TRPC3: variants seen among roughly 807,000 people sequenced by gnomAD.
TRPC3 encodes the protein transient receptor potential cation channel subfamily C member 3.
TRPC3 carries 54 observed loss-of-function variants against 90.9 expected under a neutral mutation model. That is an observed-to-expected ratio of 0.59 (90% CI 0.48 to 0.75). TRPC3 has a LOEUF of 0.75. TRPC3 is among the 30% of genes least tolerant of loss of function. TRPC3 has a pLI of 0.00. For synonymous variants in TRPC3, 424 were observed against 450.9 expected (o/e 0.94, Z 0.75); for missense variants, 918 against 1,194.5 (o/e 0.77, Z 3.41).
Position 121,902,914 on chromosome 4 carries a change from T to C in TRPC3, c.2401A>G (p.Lys801Glu), listed in dbSNP as rs1728751164. 2 of 1,613,572 alleles carry C rather than the reference T, an allele frequency of 1.2e-6. No individual in the cohort carries two copies. Among genetic ancestry groups the C allele is most frequent in the Non-Finnish European group, 1.7e-6 (2 of 1,179,752 alleles). ...TTCTGAAGCCTTCTCCTTCTGCATT[T>C]GGGAAAGTTAACAATTCGCATGATG... ...YFIMRIVNFP[K>E]CRRRRLQKDI... Residue 801 changes from lysine to glutamate, a missense_variant, in exon 9 of 12, where the codon AAA (lysine) becomes GAA (glutamate). By Grantham distance (56) the Lys-to-Glu change is moderately conservative. Transcript: ENST00000379645.
chr4:121,895,033 A>G (rs963087046), intron 10 of TRPC3, among the ~76,000 whole-genome samples: 1 of 152,208 alleles, frequency 6.6e-6, no homozygotes, highest in Non-Finnish European at 1.5e-5. Context: ...ATGCAAATAC[A>G]TGAAAATTAA....
chr4:121,885,288 A>C (rs1480313455), intron 10 of TRPC3, among the ~76,000 whole-genome samples: 1 of 152,194 alleles, frequency 6.6e-6, no homozygotes, highest in Non-Finnish European at 1.5e-5. Context: ...TTGTCTAGTA[A>C]ACCCAAGACA....
At chr4:121,937,111 A>G (rs1019148323) in intron 1 of TRPC3, among the ~76,000 whole-genome samples, 2 of 152,146 alleles carry the variant, frequency 1.3e-5, no homozygotes, top group African/African-American at 4.8e-5. Flanking sequence ...CTGACCTCCA[A>G]CAGGGTTTCT....
At chr4:121,888,801 T>C (rs936455067) in intron 10 of TRPC3, among the ~76,000 whole-genome samples, 1 of 152,220 alleles carries the variant, frequency 6.6e-6, no homozygotes, top group Admixed American at 6.6e-5. Flanking sequence ...CTCATTGTTA[T>C]GAACTGAATG....
chr4:121,924,389 C>A (rs1004673748), intron 3 of TRPC3, among the ~76,000 whole-genome samples: 2 of 152,134 alleles, frequency 1.3e-5, no homozygotes, highest in Non-Finnish European at 2.9e-5. Context: ...GAGATATTAT[C>A]CTCCTTGTAC....
At chr4:121,912,157 A>G in intron 4 of TRPC3, 64 bp from the exon 5 acceptor site, 1 of 1,409,346 alleles carries the variant, frequency 7.1e-7, no homozygotes, top group Non-Finnish European at 9.7e-7. Context: ...TGGAGATTAC[A>G]ACATAGGATT....
intron 1 of TRPC3, 32 bp from the exon 2 acceptor site, chr4:121,933,074 A>G (rs763040641): frequency 1.3e-6 from 2 of 1,528,444 alleles, no homozygotes; most frequent in Non-Finnish European, 1.8e-6. Flanking sequence ...ACAACTGTAG[A>G]ATATTAGGGC....
chr4:121,942,287 C>T (rs1560719294), intron 1 of TRPC3, among the ~76,000 whole-genome samples: 1 of 152,182 alleles, frequency 6.6e-6, no homozygotes, highest in Non-Finnish European at 1.5e-5. Flanking sequence ...CTTGGCCAGG[C>T]ATGGTGGCTC....
At chr4:121,924,635 G>A (rs1023494133) in intron 3 of TRPC3, among the ~76,000 whole-genome samples, 8 of 152,114 alleles carry the variant, frequency 5.3e-5, no homozygotes, top group Non-Finnish European at 1.2e-4. Context: ...AAATCTCCTG[G>A]GCTCAAGTGA....
At chr4:121,926,864 G>A (rs565657903) in intron 2 of TRPC3, among the ~76,000 whole-genome samples, 6 of 152,330 alleles carry the variant, frequency 3.9e-5, no homozygotes, top group Non-Finnish European at 7.3e-5. Context: ...TGTTAGAAAT[G>A]CAAATTCTCA....
At chr4:121,885,153 A>T (rs935545336) in intron 10 of TRPC3, among the ~76,000 whole-genome samples, 1 of 152,214 alleles carries the variant, frequency 6.6e-6, no homozygotes, top group Non-Finnish European at 1.5e-5. Flanking sequence ...TTCGCCACAC[A>T]TGACACTACC....
intron 10 of TRPC3, among the ~76,000 whole-genome samples, chr4:121,896,291 A>T (rs13121963): frequency 0.29 from 43,435 of 151,942 alleles, 6,919 homozygotes; most frequent in East Asian, 0.43. Flanking sequence ...CTTATTCAAC[A>T]TAGTATTGGA....
At chr4:121,945,783 G>C (rs1730467397) in intron 1 of TRPC3, among the ~76,000 whole-genome samples, 1 of 152,140 alleles carries the variant, frequency 6.6e-6, no homozygotes, top group South Asian at 2.1e-4. Flanking sequence ...GGATACCAGG[G>C]GGGCAGGAAC....
At chr4:121,880,587 G>A (rs1274655440) in intron 11 of TRPC3, among the ~76,000 whole-genome samples, 1 of 152,100 alleles carries the variant, frequency 6.6e-6, no homozygotes, top group African/African-American at 2.4e-5. Context: ...AGTATTTTGA[G>A]CATACGTATA....
intron 1 of TRPC3, among the ~76,000 whole-genome samples, chr4:121,947,928 T>C (rs1421150243): frequency 6.6e-6 from 1 of 152,202 alleles, no homozygotes; most frequent in East Asian, 1.9e-4. Context: ...TCTTGATCTT[T>C]CAGTTTTTGA....
At chr4:121,934,917 G>C (rs1317606167) in intron 1 of TRPC3, among the ~76,000 whole-genome samples, 2 of 152,214 alleles carry the variant, frequency 1.3e-5, no homozygotes, top group African/African-American at 4.8e-5. Flanking sequence ...ACAGTGCTGT[G>C]ACTGGCACCC....
chr4:121,906,140 C>T (rs1254653679), intron 7 of TRPC3, among the ~76,000 whole-genome samples: 1 of 151,992 alleles, frequency 6.6e-6, no homozygotes, highest in Non-Finnish European at 1.5e-5. Flanking sequence ...GTCACAACGA[C>T]CTTATTTAAA....
intron 1 of TRPC3, among the ~76,000 whole-genome samples, chr4:121,946,744 G>A (rs948197690): frequency 5.9e-5 from 9 of 152,182 alleles, no homozygotes; most frequent in Non-Finnish European, 1.2e-4. Context: ...GCTGTTGTTC[G>A]TAGACGTCTT....
intron 11 of TRPC3, 95 bp from the exon 12 acceptor site, chr4:121,879,973 T>A: frequency 8.2e-7 from 1 of 1,219,934 alleles, no homozygotes; most frequent in Non-Finnish European, 1.1e-6. Context: ...TGTATTTGCT[T>A]CATAAGGTCT....
Sources: gnomAD v4.1 joint callset for allele counts (sites outside exome capture counted in the v4.1 genomes callset) on GRCh38, gnomAD v4.1.1 for gene constraint, MANE v1.5 for transcripts, NCBI Gene and HGNC (gene_info 2026-07-23, HGNC 2026-07-21) for gene names.